The following MFAP5 variants were observed in gnomAD, a reference collection of about 807,000 sequenced individuals.
The protein encoded by MFAP5 is microfibril associated protein 5.
A neutral mutation model predicts 30.1 loss-of-function variants in MFAP5; 19 were observed. That is an observed-to-expected ratio of 0.63 (90% confidence interval 0.44 to 0.93). The LOEUF is 0.93. Ranked by LOEUF, MFAP5 falls within the 40% of genes least tolerant of loss-of-function variation. MFAP5 has a pLI of 0.00. For synonymous variants in MFAP5, 92 were observed against 72.9 expected, an observed-to-expected ratio of 1.26 and a Z score of -1.33; for missense variants, 210 against 221.3, an observed-to-expected ratio of 0.95 and a Z score of 0.32.
chr12:8,648,297 G>T, intron 9 of MFAP5, 94 bp from the exon 10 acceptor site: 1 of 1,099,622 alleles, frequency 9.1e-7, no homozygotes, highest in Non-Finnish European at 1.3e-6. Context: ...GTGTGGTGTA[G>T]TGAAAAGGTT....
chr12:8,649,970 C>T (rs1941789899), intron 8 of MFAP5, among the ~76,000 whole-genome samples: 1 of 152,154 alleles, frequency 6.6e-6, no homozygotes, highest in South Asian at 2.1e-4. Flanking sequence ...TCCATTATAT[C>T]ATTCTTATGT....
intron 7 of MFAP5, among the ~76,000 whole-genome samples, chr12:8,650,976 G>A (rs1320918405): frequency 1.3e-5 from 2 of 152,084 alleles, no homozygotes; most frequent in Admixed American, 1.3e-4. Flanking sequence ...AGACCAGCCT[G>A]GCCAACAAGG....
At chr12:8,653,477 G>A (rs983472243) in intron 6 of MFAP5, among the ~76,000 whole-genome samples, 4 of 152,072 alleles carry the variant, frequency 2.6e-5, no homozygotes, top group African/African-American at 2.4e-5. Context: ...TTGCATAAAC[G>A]TCTCTCTGGT....
intron 6 of MFAP5, among the ~76,000 whole-genome samples, chr12:8,652,905 C>T (rs747822583): frequency 1.1e-3 from 168 of 152,160 alleles, no homozygotes; most frequent in African/African-American, 3.8e-3. Flanking sequence ...AACTGGATGT[C>T]ATGGCTGGGC....
intron 5 of MFAP5, among the ~76,000 whole-genome samples, chr12:8,654,945 A>G (rs1941942025): frequency 1.3e-5 from 2 of 151,684 alleles, no homozygotes. Context: ...TGTCTCAAAA[A>G]AAAAAAAAAA....
Position 8,662,465 on chromosome 12 carries a change from T to C in MFAP5, c.-3+162A>G, listed in dbSNP as rs754314985. ...GTGACTTTTTCATATCATCTGCTCA[T>C]CTTGGCGTCTCCTTCATCAGAATTC... On this transcript the variant is annotated intron_variant, in intron 1 of 9. Coordinates refer to ENST00000359478, the MANE Select transcript of MFAP5 (RefSeq NM_003480.4). The C allele has an allele frequency of 6.1e-5, 14 of 228,906 alleles. No homozygotes were observed. In the South Asian group the frequency reaches 9.0e-4, roughly 15 times the overall value. 14.2% of individuals were successfully genotyped at this position (228,906 alleles called of 1,614,324 possible). A position where few individuals can be genotyped will look rare whatever the true frequency, so the allele number is the denominator to read the frequency against.
At chr12:8,650,615 A>G (rs1265235625) in intron 7 of MFAP5, 26 bp from the exon 8 acceptor site, 1 of 1,589,298 alleles carries the variant, frequency 6.3e-7, no homozygotes, top group African/African-American at 1.3e-5. Context: ...ACAAAAAAAT[A>G]AGGAGGTCCA....
chr12:8,657,453 AAAAT>A (rs1363034943), intron 3 of MFAP5, among the ~76,000 whole-genome samples: 2 of 152,114 alleles, frequency 1.3e-5, no homozygotes, highest in Admixed American at 6.6e-5. Context: ...TAATAACAAT[AAAAT>A]AAATATTAAG....
At chr12:8,651,542 C>T (rs1184337858) in intron 7 of MFAP5, 120 bp downstream of exon 7, 1 of 1,045,668 alleles carries the variant, frequency 9.6e-7, no homozygotes, top group African/African-American at 1.6e-5. Context: ...CACTAATACT[C>T]TTTGAGAAAT....
At chr12:8,657,733 G>T (rs957116728) in intron 3 of MFAP5, among the ~76,000 whole-genome samples, 1 of 151,482 alleles carries the variant, frequency 6.6e-6, no homozygotes. Context: ...CACCATGCCC[G>T]ACTAGTTTTT....
intron 3 of MFAP5, among the ~76,000 whole-genome samples, chr12:8,656,438 C>T (rs1459030153): frequency 2.0e-5 from 3 of 146,760 alleles, no homozygotes; most frequent in Non-Finnish European, 4.5e-5. Flanking sequence ...TTTTAAGAGT[C>T]TCGCTCTGTC....
At chr12:8,655,171 A>G (rs1941947583) in intron 5 of MFAP5, among the ~76,000 whole-genome samples, 1 of 152,022 alleles carries the variant, frequency 6.6e-6, no homozygotes, top group Non-Finnish European at 1.5e-5. Flanking sequence ...TCAGCTACTC[A>G]GGAGGCCAAG....
intron 7 of MFAP5, 66 bp from the exon 8 acceptor site, chr12:8,650,655 G>A: frequency 7.3e-7 from 1 of 1,373,982 alleles, no homozygotes; most frequent in East Asian, 2.3e-5. Flanking sequence ...AAGGATTGAA[G>A]GAATTGGGAA....
chr12:8,653,166 TGG>T (rs1941885965), intron 6 of MFAP5, among the ~76,000 whole-genome samples: 1 of 146,010 alleles, frequency 6.8e-6, no homozygotes, highest in Admixed American at 7.1e-5. Context: ...CACTCCAGCC[TGG>T]GCAACAAGAC....
In MFAP5 at chr12:8,651,570, A is replaced by G. The variant is rs1231202072; in HGVS notation, c.247+92T>C. ...TGAGAAATAATTGGAAGTAAACTAG[A>G]AGATGTGCCAAGTACCCTCCAAAGA... On this transcript the variant is annotated intron_variant, in intron 7 of 9. Coordinates refer to ENST00000359478, the MANE Select transcript of MFAP5 (RefSeq NM_003480.4). 2.4e-6 allele frequency: 3 copies of G among 1,242,456 alleles called. No homozygotes were observed. The African/African-American group carries it at 4.5e-5, about 19-fold the overall frequency. 77.0% of individuals were successfully genotyped at this position (1,242,456 alleles called of 1,614,324 possible).
intron 3 of MFAP5, among the ~76,000 whole-genome samples, chr12:8,656,573 A>AATATAT (rs71957081): frequency 1.0e-4 from 13 of 128,546 alleles, no homozygotes; most frequent in East Asian, 2.2e-4. Context: ...ATGCCTGGCT[A>AATATAT]ATATATATAT....
At chr12:8,656,668 A>ATATATATTTT (rs1174790172) in intron 3 of MFAP5, among the ~76,000 whole-genome samples, 4 of 118,802 alleles carry the variant, frequency 3.4e-5, no homozygotes, top group Non-Finnish European at 6.7e-5. Flanking sequence ...ATATATATAT[A>ATATATATTTT]TTTTTTTTTT....
At chr12:8,650,463 C>T in intron 8 of MFAP5, 39 bp downstream of exon 8, 2 of 1,585,492 alleles carry the variant, frequency 1.3e-6, no homozygotes, top group Admixed American at 1.7e-5. Context: ...AGAAACACTA[C>T]CATGGAAGAT....
At chr12:8,656,669 T>TATATATA (rs1491574935) in intron 3 of MFAP5, among the ~76,000 whole-genome samples, 1 of 86,650 alleles carries the variant, frequency 1.2e-5, no homozygotes, top group South Asian at 3.2e-4. Flanking sequence ...TATATATATA[T>TATATATA]TTTTTTTTTT....
Sources: allele counts gnomAD v4.1 joint callset (sites outside exome capture counted in the v4.1 genomes callset), GRCh38; gene constraint gnomAD v4.1.1; transcripts MANE v1.5; gene names NCBI Gene and HGNC (gene_info 2026-07-23, HGNC 2026-07-21).